CEP85: variants seen among roughly 807,000 people sequenced by gnomAD.
CEP85 encodes centrosomal protein 85.
Under a neutral mutation model 93.7 loss-of-function variants are expected in CEP85, and 58 were observed. The observed-to-expected ratio is 0.62, with a 90% CI of 0.50 to 0.77. The LOEUF is 0.77. Ranked by LOEUF, CEP85 falls within the 30% of genes least tolerant of loss-of-function variation. CEP85 has a pLI of 0.00. For missense variants in CEP85, 868 were observed against 922.0 expected, an observed-to-expected ratio of 0.94 and a Z score of 0.76; for synonymous variants, 314 against 338.6, an observed-to-expected ratio of 0.93 and a Z score of 0.80.
chr1:26,245,132 ACTC>A (rs973907949), intron 3 of CEP85, among the ~76,000 whole-genome samples: 1 of 150,032 alleles, frequency 6.7e-6, no homozygotes, highest in Admixed American at 6.7e-5. Context: ...GCAGCCGTAA[ACTC>A]CTAGGCTCCT....
At chr1:26,252,638 A>G (rs1163788691) in intron 3 of CEP85, among the ~76,000 whole-genome samples, 1 of 152,352 alleles carries the variant, frequency 6.6e-6, no homozygotes. Context: ...GTTGTGAGAC[A>G]TCAGAAACTG....
At chr1:26,235,852 G>C (rs569260544) in intron 1 of CEP85, among the ~76,000 whole-genome samples, 4 of 152,184 alleles carry the variant, frequency 2.6e-5, no homozygotes, top group African/African-American at 9.7e-5. Context: ...GATTACAGGC[G>C]TGAGCCACCA....
At chr1:26,259,883 C>G in intron 7 of CEP85, 81 bp downstream of exon 7, 2 of 1,204,574 alleles carry the variant, frequency 1.7e-6, no homozygotes, top group African/African-American at 1.5e-5. Context: ...CTGTTTCTGG[C>G]CTGGAACTAA....
intron 12 of CEP85, 149 bp downstream of exon 12, chr1:26,275,220 ATCAT>A: frequency 1.7e-6 from 1 of 601,452 alleles, no homozygotes; most frequent in East Asian, 2.9e-5. Context: ...GGTGCATTGC[ATCAT>A]TCTTTATATT....
chr1:26,258,874 C>T (rs1008529479), intron 6 of CEP85, among the ~76,000 whole-genome samples: 7 of 152,076 alleles, frequency 4.6e-5, no homozygotes, highest in South Asian at 2.1e-4. Flanking sequence ...GGATTACAGG[C>T]GGGAGTCACT....
intron 1 of CEP85, among the ~76,000 whole-genome samples, chr1:26,234,519 G>A (rs1352073389): frequency 6.6e-6 from 1 of 152,212 alleles, no homozygotes; most frequent in Non-Finnish European, 1.5e-5. Flanking sequence ...TTGCTTTGCC[G>A]TCCGTGGTTC....
rs879240224 is a variant in CEP85, at chr1:26,257,682, T to C, written c.989T>C (p.Leu330Ser). ...ILEPAQWISI[L>S]NSNEHLLKEK... ...GAGCCAGCACAGTGGATCAGCATCT[T>C]GAACAGTAATGAACACCTTCTGAAG... Residue 330 changes from leucine to serine, a missense_variant, in exon 5 of 14, where the codon TTG (leucine) becomes TCG (serine). By Grantham distance (145) the Leu-to-Ser change is moderately radical. Coordinates refer to ENST00000451429, the MANE Select transcript of CEP85 (RefSeq NM_001319944.2). 2 of 1,614,162 alleles carry C rather than the reference T, an allele frequency of 1.2e-6. No homozygotes were observed. The highest frequency in any genetic ancestry group is 2.7e-5 in the African/African-American group (2 of 75,042).
chr1:26,256,600 C>CTTT lies in CEP85; in HGVS notation c.903+749_903+751dup, dbSNP rs771960691. The stretch of plus-strand genomic sequence containing the variant: ...GTTCTCTCTACCACTTTTGTATTTT[C>CTTT]TTTTTTTTTTTTTTTTGAGATGGAG... On this transcript the variant is annotated intron_variant, in intron 4 of 13. Transcript: ENST00000451429. 3.9e-5 allele frequency among the ~76,000 whole-genome samples: 5 copies of CTTT among 127,136 alleles called. 1 individual carries two copies. Among genetic ancestry groups the CTTT allele is most frequent in the Non-Finnish European group, 8.5e-5 (5 of 58,828 alleles). 83.4% of individuals were successfully genotyped at this position (127,136 alleles called of 152,430 possible). A position where few individuals can be genotyped will look rare whatever the true frequency, so the allele number is the denominator to read the frequency against.
chr1:26,266,391 A>ACAC (rs1338186556), intron 7 of CEP85, among the ~76,000 whole-genome samples: 1 of 152,146 alleles, frequency 6.6e-6, no homozygotes, highest in African/African-American at 2.4e-5. Flanking sequence ...TGTCTCAAAA[A>ACAC]AATAATAAAT....
chr1:26,246,025 T>C (rs1468590044), intron 3 of CEP85, among the ~76,000 whole-genome samples: 2 of 152,092 alleles, frequency 1.3e-5, no homozygotes, highest in Non-Finnish European at 2.9e-5. Context: ...AGGTTGCGTG[T>C]GTGACTCCGT....
At chr1:26,271,643 A>G (rs2089977472) in intron 10 of CEP85, 3 of 225,794 alleles carry the variant, frequency 1.3e-5, no homozygotes, top group Admixed American at 5.1e-5. Flanking sequence ...TCATAGTGCT[A>G]GAAATGGCAA....
rs565553736 is a variant in CEP85, at chr1:26,247,097, G to A, written c.208+2779G>A. Among the ~76,000 whole-genome samples, 6 of 152,316 alleles carry A rather than the reference G, an allele frequency of 3.9e-5. No individual in the cohort carries two copies. The South Asian group carries it at 1.2e-3, about 32-fold the overall frequency. ...CCTATTGTGAAATGTGCATTTGAGG[G>A]ATCTAGGTTGTGTGCTCTTTATGAG... On this transcript the variant is annotated intron_variant, in intron 3 of 13. Coordinates refer to ENST00000451429, the MANE Select transcript of CEP85 (RefSeq NM_001319944.2).
rs777798397 is a variant in CEP85, at chr1:26,243,827, G to A, written c.56-339G>A. Among the ~76,000 whole-genome samples, 9 of 151,796 alleles carry A rather than the reference G, an allele frequency of 5.9e-5. 1 individual carries two copies. Among genetic ancestry groups the A allele is most frequent in the South Asian group, 4.2e-4 (2 of 4,794 alleles). On this transcript the variant is annotated intron_variant, in intron 2 of 13. Coordinates refer to ENST00000451429, the MANE Select transcript of CEP85 (RefSeq NM_001319944.2). ...AGCCTGGCCAAGATGGTGAAACCGC[G>A]TCTCTACTAAAAATATAAAAATTAA...
In CEP85 at chr1:26,277,402, G is replaced by T; in HGVS notation, c.*109G>T. 4.5e-6 allele frequency: 5 copies of T among 1,111,340 alleles called. No homozygotes were observed. Among genetic ancestry groups the T allele is most frequent in the Non-Finnish European group, 6.5e-6 (5 of 773,208 alleles). 68.8% of individuals were successfully genotyped at this position (1,111,340 alleles called of 1,614,324 possible). On this transcript the variant is annotated 3_prime_UTR_variant, in exon 14 of 14. Transcript: ENST00000451429. ...TGCTATTCCCAGAGAGGTCTCAGAG[G>T]GGAGGGGAGAGCCTGCATCTGGGGG...
chr1:26,272,116 G>C, intron 11 of CEP85, 45 bp downstream of exon 11: 1 of 1,568,968 alleles, frequency 6.4e-7, no homozygotes, highest in Non-Finnish European at 8.8e-7. Flanking sequence ...CTTAATGATG[G>C]AATCTCTAGA....
chr1:26,244,035 A>T, intron 2 of CEP85, 131 bp from the exon 3 acceptor site: 1 of 665,214 alleles, frequency 1.5e-6, no homozygotes. Context: ...GGAGCAGCTG[A>T]AATAGGCACA....
chr1:26,259,508 A>C, intron 6 of CEP85, 109 bp from the exon 7 acceptor site: 2 of 1,055,252 alleles, frequency 1.9e-6, no homozygotes, highest in South Asian at 3.4e-5. Flanking sequence ...CTTCTTAAAG[A>C]GATTCTTGGA....
At chr1:26,250,932 CT>C (rs869156420) in intron 3 of CEP85, among the ~76,000 whole-genome samples, 3 of 17,506 alleles carry the variant, frequency 1.7e-4, no homozygotes, top group Non-Finnish European at 2.8e-4. Context: ...TTTCTTTTTT[CT>C]TTTTTTTTTT....
chr1:26,253,493 G>A (rs1335853631), intron 3 of CEP85, among the ~76,000 whole-genome samples: 1 of 150,938 alleles, frequency 6.6e-6, no homozygotes, highest in Non-Finnish European at 1.5e-5. Context: ...GGGTTCAAGC[G>A]ATCCTCCTGC....
Sources: allele counts gnomAD v4.1 joint callset (sites outside exome capture counted in the v4.1 genomes callset), GRCh38; gene constraint gnomAD v4.1.1; transcripts MANE v1.5; gene names NCBI Gene and HGNC (gene_info 2026-07-23, HGNC 2026-07-21).